The following SLC6A13 variants were observed in gnomAD, a reference collection of about 807,000 sequenced individuals.
SLC6A13 encodes the protein solute carrier family 6 member 13, also known as sodium- and chloride-dependent GABA transporter 2.
A neutral mutation model predicts 72.9 loss-of-function variants in SLC6A13; 69 were observed. That is an observed-to-expected ratio of 0.95 (90% confidence interval 0.78 to 1.16). The LOEUF (loss-of-function observed/expected upper bound fraction) is 1.16. Among genes scored for constraint, SLC6A13 ranks in the 50% most tolerant of loss-of-function variants. The pLI is 0.00. For missense variants in SLC6A13, 735 were observed against 760.5 expected (o/e 0.97, Z 0.39); for synonymous variants, 303 against 303.0 (o/e 1.00, Z 0.00).
At position 223,197 on chromosome 12, in the gene SLC6A13, G is replaced by A. The variant is rs756578408; in HGVS notation, c.1349C>T (p.Ala450Val). ...GAACAGGAGGCACATGCCACTGGCC[G>A]CATAGTAGTCAAAGAGCTGGAACAC... The part of the protein sequence containing the change: ...MYVFQLFDYY[A>V]ASGMCLLFVA... Residue 450 changes from alanine to valine, a missense_variant, in exon 12 of 15, where the codon GCG (alanine) becomes GTG (valine). Coordinates refer to ENST00000343164, the MANE Select transcript of SLC6A13 (RefSeq NM_016615.5). 31 of 1,613,418 alleles carry A rather than the reference G, an allele frequency of 1.9e-5. No homozygotes were observed. Among genetic ancestry groups the A allele is most frequent in the African/African-American group, 2.7e-5 (2 of 74,920 alleles).
chr12:260,162 G>GAAATTCACCTCTTCCA, intron 1 of SLC6A13, 105 bp from the exon 2 acceptor site: 5 of 1,252,836 alleles, frequency 4.0e-6, no homozygotes, highest in Non-Finnish European at 5.6e-6. Flanking sequence ...CACTGGAAGA[G>GAAATTCACCTCTTCCA]GTGAATTTCT....
intron 4 of SLC6A13, 42 bp from the exon 5 acceptor site, chr12:238,052 C>G: frequency 6.3e-7 from 1 of 1,596,508 alleles, no homozygotes; most frequent in Non-Finnish European, 8.6e-7. Flanking sequence ...GAAAAATCAT[C>G]AGCCAGCCTA....
At chr12:255,809 G>A (rs1049788041) in intron 2 of SLC6A13, among the ~76,000 whole-genome samples, 1 of 152,034 alleles carries the variant, frequency 6.6e-6, no homozygotes, top group Non-Finnish European at 1.5e-5. Flanking sequence ...TACCTGATCT[G>A]CCCCTCTCCC....
chr12:235,324 G>A, intron 6 of SLC6A13, 100 bp from the exon 7 acceptor site: 1 of 1,196,504 alleles, frequency 8.4e-7, no homozygotes, highest in East Asian at 2.4e-5. Context: ...CTCAGAAAAG[G>A]TCAAGGGAGT....
chr12:237,292 T>C lies in SLC6A13; in HGVS notation c.564-2A>G, dbSNP rs1369723749. 6.2e-7 allele frequency: 1 copy of C among 1,614,050 alleles called. No homozygotes were observed. ...TCAGAGATCTTCAAGACCCGCCGCC[T>C]GGGGAGAGAAGGGTTGAACCTGGCT... On this transcript the variant is annotated splice_acceptor_variant, in intron 5 of 14. Transcript: ENST00000343164. LOFTEE classifies it high-confidence loss of function.
At chr12:227,418 G>A in intron 8 of SLC6A13, 147 bp downstream of exon 8, 1 of 1,393,010 alleles carries the variant, frequency 7.2e-7, no homozygotes, top group Non-Finnish European at 9.7e-7. Flanking sequence ...TGCAGCTCCT[G>A]GTAGCCCTGG....
intron 9 of SLC6A13, 24 bp from the exon 10 acceptor site, chr12:224,537 C>T (rs199967573): frequency 5.5e-5 from 88 of 1,592,474 alleles, no homozygotes; most frequent in Middle Eastern, 3.3e-4. Flanking sequence ...CAGAGGAACA[C>T]GGGCCAGTGC....
At chr12:243,004 A>C (rs2137297526) in intron 3 of SLC6A13, among the ~76,000 whole-genome samples, 1 of 152,190 alleles carries the variant, frequency 6.6e-6, no homozygotes, top group Admixed American at 6.5e-5. Flanking sequence ...ACTTGTGTCA[A>C]GATAGAACTT....
At chr12:228,446 C>T (rs1012917292) in intron 7 of SLC6A13, among the ~76,000 whole-genome samples, 1 of 152,128 alleles carries the variant, frequency 6.6e-6, no homozygotes, top group Admixed American at 6.5e-5. Flanking sequence ...GAGCACCCCG[C>T]TATGGACGCA....
rs535850940 is a variant in SLC6A13 at position 254,319 on chromosome 12, A to G, written c.202+5532T>C. 4.6e-5 allele frequency among the ~76,000 whole-genome samples: 7 copies of G among 151,762 alleles called. No homozygotes were observed. The highest frequency in any genetic ancestry group is 1.0e-4 in the Non-Finnish European group (7 of 67,958). ...CACAAGGAAGGGGTGGATTTTACCT[A>G]CTCCCACATTTTGCCCCAATAACCC... On this transcript the variant is annotated intron_variant, in intron 2 of 14. Transcript: ENST00000343164. The surrounding 1 kb of genome is among the most constrained non-coding windows in gnomAD (Gnocchi z 4.4).
intron 12 of SLC6A13, 35 bp downstream of exon 12, chr12:223,097 G>C: frequency 7.7e-7 from 1 of 1,295,076 alleles, no homozygotes; most frequent in Non-Finnish European, 1.1e-6. Flanking sequence ...TTAGACAAGA[G>C]GAGGATGCTG....
intron 2 of SLC6A13, among the ~76,000 whole-genome samples, chr12:258,653 G>A (rs1942825062): frequency 6.6e-6 from 1 of 152,164 alleles, no homozygotes; most frequent in South Asian, 2.1e-4. Flanking sequence ...TCCAGTAGTT[G>A]GGAAATCCCT....
At chr12:253,191 T>A (rs895819505) in intron 2 of SLC6A13, among the ~76,000 whole-genome samples, 6 of 152,222 alleles carry the variant, frequency 3.9e-5, no homozygotes, top group Non-Finnish European at 8.8e-5. Flanking sequence ...AAGCAATCAC[T>A]CTCTTGGCCC....
In SLC6A13 at chr12:238,026, G is replaced by A. The variant is rs762981208; in HGVS notation, c.479-16C>T. On this transcript the variant is annotated splice_polypyrimidine_tract_variant and intron_variant, in intron 4 of 14. Transcript: ENST00000343164. ...ATACAGTGTTCTACCCATGGGTCACGAGGAGGGAAAAAAGAGAAAAATCAT... is the reference window on the plus strand; with the variant it reads ...ATACAGTGTTCTACCCATGGGTCACAAGGAGGGAAAAAAGAGAAAAATCAT... 1.5e-5 allele frequency: 24 copies of A among 1,609,674 alleles called. No individual in the cohort carries two copies. Among genetic ancestry groups the A allele is most frequent in the African/African-American group, 4.0e-5 (3 of 74,792 alleles).
chr12:237,162 C>G lies in SLC6A13; in HGVS notation c.692G>C (p.Gly231Ala). 1 of 1,613,954 alleles carries G rather than the reference C, an allele frequency of 6.2e-7. No individual in the cohort carries two copies. Among genetic ancestry groups the G allele is most frequent in the Admixed American group, 1.7e-5 (1 of 60,022 alleles). Residue 231 changes from glycine to alanine, a missense_variant, in exon 6 of 15, where the codon GGC becomes GCC. Gly to Ala is a moderately conservative substitution (Grantham distance 60). Transcript: ENST00000343164. ...GCAGGAGCTCCCCACACGAACCTTG[C>G]CTGTGGACTTCACCCCCTTCCAGAT... ...FCIWKGVKST[G>A]KVVYFTATFP...
At chr12:223,840 T>G in intron 11 of SLC6A13, 152 bp downstream of exon 11, 1 of 824,568 alleles carries the variant, frequency 1.2e-6, no homozygotes, top group Non-Finnish European at 1.9e-6. Flanking sequence ...GCCTACTTTG[T>G]CGTTCCTGGG....
intron 11 of SLC6A13, 66 bp from the exon 12 acceptor site, chr12:223,300 G>A (rs541482435): frequency 4.0e-6 from 4 of 1,005,696 alleles, no homozygotes; most frequent in South Asian, 1.5e-5. Context: ...TCACTCCTAT[G>A]CCCTTTAGCT....
At chr12:261,399 G>A (rs1367324430) in intron 1 of SLC6A13, among the ~76,000 whole-genome samples, 1 of 152,178 alleles carries the variant, frequency 6.6e-6, no homozygotes. Context: ...CTCTGCCCCT[G>A]CTCTTTCAGT....
chr12:261,349 C>T (rs1208118760), intron 1 of SLC6A13, among the ~76,000 whole-genome samples: 1 of 152,206 alleles, frequency 6.6e-6, no homozygotes, highest in Non-Finnish European at 1.5e-5. Context: ...ACTGCTGCTG[C>T]CATATAGCTA....
Sources: gnomAD v4.1 joint callset for allele counts (sites outside exome capture counted in the v4.1 genomes callset) on GRCh38, gnomAD v4.1.1 for gene constraint, Gnocchi (gnomAD v3.1) non-coding constraint, MANE v1.5 for transcripts, NCBI Gene and HGNC (gene_info 2026-07-23, HGNC 2026-07-21) for gene names.